Variants in GRB10 observed in about 807,000 individuals in gnomAD.
GRB10 encodes growth factor receptor bound protein 10.
GRB10 carries 20 observed loss-of-function variants against 80.9 expected under a neutral mutation model. The ratio of observed to expected loss-of-function variants is 0.25; its 90% confidence interval spans 0.17 to 0.36. The LOEUF (loss-of-function observed/expected upper bound fraction) is 0.36. GRB10 is among the 10% of genes least tolerant of loss of function. GRB10 has a pLI of 1.00. For synonymous variants in GRB10, 291 were observed against 291.5 expected (o/e 1.00, Z 0.02); for missense variants, 548 against 747.7 (o/e 0.73, Z 3.12).
intron 5 of GRB10, among the ~76,000 whole-genome samples, chr7:50,684,582 T>A (rs571001134): frequency 6.9e-6 from 1 of 144,428 alleles, no homozygotes; most frequent in Admixed American, 6.7e-5. Flanking sequence ...ATAGAGCCTA[T>A]ACAACACAGG....
intron 4 of GRB10, among the ~76,000 whole-genome samples, chr7:50,723,298 C>T (rs946120185): frequency 1.3e-5 from 2 of 152,166 alleles, no homozygotes; most frequent in Non-Finnish European, 2.9e-5. Context: ...ACAACAGGTA[C>T]AATTCTCCTT....
At chr7:50,750,427 C>T (rs1221509692) in intron 3 of GRB10, among the ~76,000 whole-genome samples, 1 of 152,148 alleles carries the variant, frequency 6.6e-6, no homozygotes, top group Non-Finnish European at 1.5e-5. Flanking sequence ...TCTTGTCTTC[C>T]ACCTAAGCAG....
chr7:50,632,625 G>C (rs374273629), intron 7 of GRB10, among the ~76,000 whole-genome samples: 5 of 152,340 alleles, frequency 3.3e-5, no homozygotes, highest in East Asian at 3.9e-4. Context: ...GAGGTCCTGA[G>C]TACCAGGAGC....
intron 7 of GRB10, among the ~76,000 whole-genome samples, chr7:50,658,746 A>AC (rs1371049458): frequency 6.6e-5 from 10 of 152,220 alleles, no homozygotes; most frequent in Admixed American, 6.5e-4. Flanking sequence ...CCGGAGAAAC[A>AC]CTAGTAGTTG....
At chr7:50,705,209 A>G in intron 4 of GRB10, 2 of 985,820 alleles carry the variant, frequency 2.0e-6, no homozygotes, top group Non-Finnish European at 2.4e-6. Flanking sequence ...GGGGAAGCAG[A>G]GGGTAGCCCA....
chr7:50,615,073 A>T (rs1008114207), intron 11 of GRB10, among the ~76,000 whole-genome samples, 193 bp from the exon 12 acceptor site: 1 of 152,106 alleles, frequency 6.6e-6, no homozygotes, highest in Non-Finnish European at 1.5e-5. Context: ...CTCACCCAAA[A>T]CACCCACTTC....
intron 7 of GRB10, among the ~76,000 whole-genome samples, chr7:50,667,681 A>AG (rs1220160770): frequency 6.6e-6 from 1 of 152,076 alleles, no homozygotes; most frequent in African/African-American, 2.4e-5. Flanking sequence ...AAAAAAGAAC[A>AG]AAGAACAAGG....
chr7:50,599,272 C>T (rs935223707), intron 17 of GRB10, among the ~76,000 whole-genome samples: 2 of 152,156 alleles, frequency 1.3e-5, no homozygotes, highest in African/African-American at 4.8e-5. Flanking sequence ...TAACTGCATA[C>T]ACCGTTTGAG....
Position 50,762,990 on chromosome 7 carries a change from C to T in GRB10, c.-216-6934G>A, listed in dbSNP as rs549805980. ...AAAATTAGCTGAGCATGGTGGTGGA[C>T]GCCTGTAGTCCCAGCTACTCAGGAG... On this transcript the variant is annotated intron_variant, in intron 2 of 18. Coordinates refer to ENST00000401949, the MANE Select transcript of GRB10 (RefSeq NM_001350814.2). 7.2e-4 allele frequency among the ~76,000 whole-genome samples: 109 copies of T among 152,128 alleles called. 2 individuals are homozygous for T. Among genetic ancestry groups the T allele is most frequent in the African/African-American group, 4.3e-4 (18 of 41,490 alleles).
chr7:50,609,230 A>C (rs960128430), intron 13 of GRB10, among the ~76,000 whole-genome samples: 1 of 152,210 alleles, frequency 6.6e-6, no homozygotes, highest in Non-Finnish European at 1.5e-5. Flanking sequence ...ATCAAAGTAA[A>C]ATAGTTACAT....
Position 50,675,796 on chromosome 7 carries a change from C to T in GRB10, c.140-1138G>A, listed in dbSNP as rs558917123. The stretch of plus-strand genomic sequence containing the variant: ...GAGAAACAGAGACCTAGGGCTACAA[C>T]CCAGCACATGGAGATGGGGAGGGGT... On this transcript the variant is annotated intron_variant, in intron 5 of 18. Transcript: ENST00000401949. 9.9e-5 allele frequency among the ~76,000 whole-genome samples: 15 copies of T among 152,246 alleles called. No homozygotes were observed. The South Asian group carries it at 2.1e-3, about 21-fold the overall frequency.
At chr7:50,616,405 A>G in intron 10 of GRB10, 58 bp from the exon 11 acceptor site, 1 of 1,489,958 alleles carries the variant, frequency 6.7e-7, no homozygotes, top group Non-Finnish European at 9.3e-7. Context: ...ATTAAAGCAG[A>G]CATGTTATCA....
At chr7:50,631,959 C>T (rs1019140152) in intron 7 of GRB10, among the ~76,000 whole-genome samples, 2 of 152,174 alleles carry the variant, frequency 1.3e-5, no homozygotes, top group Non-Finnish European at 2.9e-5. Flanking sequence ...CACTACCCAG[C>T]GTGTACCAGG....
At chr7:50,784,888 C>T (rs2078628518), upstream of GRB10, among the ~76,000 whole-genome samples, 1 of 152,124 alleles carries the variant, frequency 6.6e-6, no homozygotes, top group South Asian at 2.1e-4. Context: ...ACGTAGAGTC[C>T]AAAACAAGAA....
At chr7:50,696,104 T>C (rs1431499781) in intron 5 of GRB10, among the ~76,000 whole-genome samples, 1 of 152,234 alleles carries the variant, frequency 6.6e-6, no homozygotes. Context: ...ATCAGTCTTG[T>C]CTTTCCCTAT....
At chr7:50,594,571 TAG>T (rs1463699122) in intron 18 of GRB10, among the ~76,000 whole-genome samples, 2 of 152,216 alleles carry the variant, frequency 1.3e-5, no homozygotes, top group Non-Finnish European at 2.9e-5. Flanking sequence ...CCTCTTTTGG[TAG>T]AGTTTGGGTT....
At chr7:50,603,410 C>G (rs760579900) in intron 17 of GRB10, among the ~76,000 whole-genome samples, 4 of 152,156 alleles carry the variant, frequency 2.6e-5, no homozygotes, top group Admixed American at 6.5e-5. Flanking sequence ...TGGGGTTTAA[C>G]CTCTCTTGCT....
At chr7:50,732,056 T>G (rs1263189961) in intron 4 of GRB10, among the ~76,000 whole-genome samples, 1 of 152,252 alleles carries the variant, frequency 6.6e-6, no homozygotes, top group African/African-American at 2.4e-5. Flanking sequence ...AACGGGAATA[T>G]GACCACGCTA....
intron 5 of GRB10, among the ~76,000 whole-genome samples, chr7:50,691,829 A>G (rs1451797412): frequency 1.3e-5 from 2 of 152,190 alleles, no homozygotes; most frequent in African/African-American, 4.8e-5. Flanking sequence ...AATCACAATT[A>G]TCATCAACTT....
Sources: gnomAD v4.1 joint callset for allele counts (sites outside exome capture counted in the v4.1 genomes callset) on GRCh38, gnomAD v4.1.1 for gene constraint, MANE v1.5 for transcripts, NCBI Gene and HGNC (gene_info 2026-07-23, HGNC 2026-07-21) for gene names.